MTA3: variants seen among roughly 807,000 people sequenced by gnomAD.
MTA3 encodes the protein metastasis-associated protein MTA3.
MTA3 carries 34 observed loss-of-function variants against 83.5 expected under a neutral mutation model. That is an observed-to-expected ratio of 0.41 (90% CI 0.31 to 0.54). The LOEUF (loss-of-function observed/expected upper bound fraction) is 0.54. Among genes scored for constraint, MTA3 ranks in the 20% least tolerant of loss-of-function variants. The pLI, the probability that MTA3 is intolerant of heterozygous loss-of-function variation, is 0.33. For missense variants in MTA3, 761 were observed against 726.4 expected, an observed-to-expected ratio of 1.05 and a Z score of -0.55; for synonymous variants, 303 against 252.7, an observed-to-expected ratio of 1.20 and a Z score of -1.89.
intron 3 of MTA3, among the ~76,000 whole-genome samples, chr2:42,596,379 A>G (rs983026200): frequency 6.6e-6 from 1 of 152,218 alleles, no homozygotes; most frequent in Non-Finnish European, 1.5e-5. Context: ...TCACAGCATT[A>G]AAGTAATCAA....
chr2:42,730,516 T>C (rs1360537354), intron 16 of MTA3, among the ~76,000 whole-genome samples: 1 of 152,252 alleles, frequency 6.6e-6, no homozygotes, highest in Non-Finnish European at 1.5e-5. Context: ...ATTACACTGA[T>C]TGATTTGTGA....
chr2:42,720,425 C>A (rs916917635), intron 15 of MTA3, among the ~76,000 whole-genome samples: 1 of 152,154 alleles, frequency 6.6e-6, no homozygotes, highest in Non-Finnish European at 1.5e-5. Context: ...TCATGATCCG[C>A]CCACCTCGGC....
intron 3 of MTA3, among the ~76,000 whole-genome samples, chr2:42,582,651 TAGTG>T (rs1364741969): frequency 1.3e-5 from 2 of 152,066 alleles, no homozygotes; most frequent in Non-Finnish European, 2.9e-5. Flanking sequence ...GCTGCAAAAA[TAGTG>T]AGAGGAAATG....
intron 3 of MTA3, among the ~76,000 whole-genome samples, chr2:42,587,457 A>G (rs1483693100): frequency 3.3e-5 from 5 of 152,222 alleles, no homozygotes. Flanking sequence ...TGTCTTTTCC[A>G]GTGAGAATTC....
At chr2:42,518,995 AC>A in intron 2 of MTA3, among the ~76,000 whole-genome samples, 1 of 147,182 alleles carries the variant, frequency 6.8e-6, no homozygotes, top group African/African-American at 2.6e-5. Flanking sequence ...ACACACACAC[AC>A]ACACACACAC....
chr2:42,693,096 C>A (rs1205483288), intron 9 of MTA3, among the ~76,000 whole-genome samples: 1 of 151,308 alleles, frequency 6.6e-6, no homozygotes. Flanking sequence ...CCCTCTCCCT[C>A]TCCCTCTTCC....
chr2:42,554,351 A>G (rs372676022), intron 2 of MTA3, among the ~76,000 whole-genome samples: 1 of 152,234 alleles, frequency 6.6e-6, no homozygotes, highest in Admixed American at 6.5e-5. Flanking sequence ...AACCTAGACT[A>G]TGGTGCTCGA....
At chr2:42,642,044 T>TA (rs1350597074) in intron 5 of MTA3, among the ~76,000 whole-genome samples, 3 of 152,074 alleles carry the variant, frequency 2.0e-5, no homozygotes, top group Non-Finnish European at 4.4e-5. Flanking sequence ...AAAAATAAAA[T>TA]ATTGAGATTG....
chr2:42,597,900 T>G (rs1350765950), intron 3 of MTA3, among the ~76,000 whole-genome samples: 1 of 152,014 alleles, frequency 6.6e-6, no homozygotes, highest in Non-Finnish European at 1.5e-5. Flanking sequence ...CAGGCTGGTC[T>G]TGAACTCCTG....
chr2:42,754,645 A>G lies in MTA3; in HGVS notation c.*1246A>G. 1.0e-6 allele frequency: 1 copy of G among 985,522 alleles called. No homozygotes were observed. The highest frequency in any genetic ancestry group is 1.7e-5 in the African/African-American group (1 of 57,362). 61.0% of individuals were successfully genotyped at this position (985,522 alleles called of 1,614,324 possible). A position where few individuals can be genotyped will look rare whatever the true frequency, so the allele number is the denominator to read the frequency against. On this transcript the variant is annotated 3_prime_UTR_variant, in exon 17 of 17. Coordinates refer to ENST00000405094, the MANE Select transcript of MTA3 (RefSeq NM_001330442.2). ...CCTCTGTTTGCAGGCACAGGGTCAC[A>G]GTCCCAAGAAAGACAACTGGAGTCT...
At chr2:42,661,506 C>CAAAAAA (rs1296698587) in intron 8 of MTA3, among the ~76,000 whole-genome samples, 68 of 26,838 alleles carry the variant, frequency 2.5e-3, no homozygotes, top group Middle Eastern at 0.022. Flanking sequence ...GACCCTGTCT[C>CAAAAAA]AAAAAAAAAA....
intron 2 of MTA3, among the ~76,000 whole-genome samples, chr2:42,552,746 T>G (rs1360734614): frequency 6.6e-6 from 1 of 151,466 alleles, no homozygotes; most frequent in Admixed American, 6.6e-5. Context: ...GGTCAAGAGA[T>G]AGAGGCCATC....
At chr2:42,599,164 G>C (rs941667934) in intron 3 of MTA3, among the ~76,000 whole-genome samples, 3 of 152,148 alleles carry the variant, frequency 2.0e-5, no homozygotes, top group African/African-American at 4.8e-5. Context: ...CTGAGCCAGT[G>C]TTGCATCGTG....
chr2:42,736,987 C>G (rs928950469), intron 16 of MTA3, among the ~76,000 whole-genome samples: 2 of 152,174 alleles, frequency 1.3e-5, no homozygotes, highest in Admixed American at 6.5e-5. Flanking sequence ...TGTGGCTGAG[C>G]CAGTATCAAA....
intron 3 of MTA3, 74 bp downstream of exon 3, chr2:42,579,274 T>C (rs1679359831): frequency 1.8e-6 from 2 of 1,084,164 alleles, no homozygotes; most frequent in African/African-American, 1.6e-5. Flanking sequence ...AACATGCTTT[T>C]TCTTACCTGA....
At chr2:42,568,609 C>A, upstream of MTA3, 2 of 354,338 alleles carry the variant, frequency 5.6e-6, no homozygotes, top group Non-Finnish European at 9.0e-6. Flanking sequence ...CCCCTGTCCC[C>A]TCCCTTCCCT....
At chr2:42,608,570 A>G (rs1473903673) in intron 3 of MTA3, among the ~76,000 whole-genome samples, 1 of 152,190 alleles carries the variant, frequency 6.6e-6, no homozygotes, top group Non-Finnish European at 1.5e-5. Flanking sequence ...CTTCAACAAG[A>G]GCATTATATT....
At chr2:42,609,689 A>G (rs568185102) in intron 4 of MTA3, 105 bp downstream of exon 4, 3 of 1,291,388 alleles carry the variant, frequency 2.3e-6, no homozygotes, top group East Asian at 2.4e-5. Context: ...TGCTTAAACT[A>G]CTTTGCTAAA....
Position 42,709,105 on chromosome 2 carries a change from C to A in MTA3, c.1525+9C>A. ...TGCCATTAGGGCAGAATGTAAGATG[C>A]TTTTAAATTCTTAACCTTATATGTT... On this transcript the variant is annotated intron_variant, in intron 14 of 16. Coordinates refer to ENST00000405094, the MANE Select transcript of MTA3 (RefSeq NM_001330442.2). 1 of 1,574,340 alleles carries A rather than the reference C, an allele frequency of 6.4e-7. No homozygotes were observed. Among genetic ancestry groups the A allele is most frequent in the Non-Finnish European group, 8.6e-7 (1 of 1,159,476 alleles).
Sources: allele counts gnomAD v4.1 joint callset (sites outside exome capture counted in the v4.1 genomes callset), GRCh38; gene constraint gnomAD v4.1.1; transcripts MANE v1.5; gene names NCBI Gene and HGNC (gene_info 2026-07-23, HGNC 2026-07-21).